The following TRPM3 variants were observed in gnomAD, a reference collection of about 807,000 sequenced individuals.
TRPM3 encodes the protein long transient receptor potential channel 3.
Under a neutral mutation model 181.2 loss-of-function variants are expected in TRPM3, and 77 were observed. The ratio of observed to expected loss-of-function variants is 0.42; its 90% CI spans 0.35 to 0.51. The LOEUF is 0.51. Ranked by LOEUF, TRPM3 falls within the 20% of genes least tolerant of loss-of-function variation. The probability of loss-of-function intolerance (pLI) is 0.01; values close to 1 mark genes in which losing one functional copy is unlikely to be tolerated. For synonymous variants in TRPM3, 745 were observed against 796.4 expected, an observed-to-expected ratio of 0.94 and a Z score of 1.09; for missense variants, 1,759 against 2,196.7, an observed-to-expected ratio of 0.80 and a Z score of 3.98.
intron 1 of TRPM3, among the ~76,000 whole-genome samples, chr9:71,020,653 A>G (rs2097840195): frequency 6.6e-6 from 1 of 152,198 alleles, no homozygotes; most frequent in African/African-American, 2.4e-5. Flanking sequence ...CATCAGGAAA[A>G]TGCAAATTAA....
At chr9:71,106,021 A>G (rs1210808927) in intron 1 of TRPM3, among the ~76,000 whole-genome samples, 4 of 152,180 alleles carry the variant, frequency 2.6e-5, no homozygotes, top group Non-Finnish European at 5.9e-5. Flanking sequence ...GTTATACTCA[A>G]TTCAAGAAGG....
intron 25 of TRPM3, among the ~76,000 whole-genome samples, chr9:70,547,909 C>A (rs765391291): frequency 2.0e-5 from 3 of 152,148 alleles, no homozygotes; most frequent in Non-Finnish European, 4.4e-5. Flanking sequence ...CTTTTTGTTT[C>A]TTTTCAGAAA....
At chr9:71,050,774 C>A (rs192401850) in intron 1 of TRPM3, among the ~76,000 whole-genome samples, 321 of 152,324 alleles carry the variant, frequency 2.1e-3, no homozygotes, top group African/African-American at 7.3e-3. Context: ...GTCATCTACA[C>A]TGAATGAACT....
intron 1 of TRPM3, among the ~76,000 whole-genome samples, chr9:71,209,407 G>GCAGA (rs141062817): frequency 1.5e-4 from 21 of 138,236 alleles, no homozygotes; most frequent in Non-Finnish European, 3.0e-4. Context: ...AAGGAGGGAG[G>GCAGA]GAGAGAGAGA....
At chr9:71,053,029 A>G (rs1191148934) in intron 1 of TRPM3, among the ~76,000 whole-genome samples, 5 of 148,464 alleles carry the variant, frequency 3.4e-5, no homozygotes, top group East Asian at 4.1e-4. Flanking sequence ...TTTGTCACCA[A>G]TAGTGCATAT....
chr9:71,208,305 C>T (rs1388899962), intron 1 of TRPM3, among the ~76,000 whole-genome samples: 1 of 152,140 alleles, frequency 6.6e-6, no homozygotes, highest in African/African-American at 2.4e-5. Flanking sequence ...AAGAGTACAA[C>T]TTGCTGCAGT....
intron 1 of TRPM3, among the ~76,000 whole-genome samples, chr9:71,017,454 G>A (rs571811333): frequency 3.3e-4 from 50 of 151,910 alleles, no homozygotes; most frequent in Admixed American, 1.0e-3. Context: ...ACTAAAAAAT[G>A]ACTATATGCT....
intron 1 of TRPM3, among the ~76,000 whole-genome samples, chr9:71,419,975 T>C (rs2093700906): frequency 6.6e-6 from 1 of 152,018 alleles, no homozygotes; most frequent in East Asian, 1.9e-4. Context: ...ATAACTATTC[T>C]TTTAAATCAA....
chr9:70,955,558 T>C (rs77026675), intron 1 of TRPM3, among the ~76,000 whole-genome samples: 2,619 of 152,224 alleles, frequency 0.017, 82 homozygotes, highest in African/African-American at 0.058. Flanking sequence ...ATTTTACAGG[T>C]AGGGAATTTG....
At chr9:70,631,527 G>A (rs1460974139) in intron 12 of TRPM3, among the ~76,000 whole-genome samples, 2 of 152,090 alleles carry the variant, frequency 1.3e-5, no homozygotes, top group Non-Finnish European at 2.9e-5. Context: ...GCACATTTAA[G>A]AAAGGAAAAA....
At chr9:71,328,076 A>G (rs1306397706) in intron 1 of TRPM3, among the ~76,000 whole-genome samples, 1 of 151,768 alleles carries the variant, frequency 6.6e-6, no homozygotes, top group African/African-American at 2.4e-5. Context: ...ATTAAAAAAA[A>G]AAAACAAAAA....
At chr9:70,953,732 C>T (rs1410955056) in intron 1 of TRPM3, among the ~76,000 whole-genome samples, 1 of 152,102 alleles carries the variant, frequency 6.6e-6, no homozygotes, top group Non-Finnish European at 1.5e-5. Context: ...CAGAACACTC[C>T]AGTGAGTTGG....
intron 1 of TRPM3, among the ~76,000 whole-genome samples, chr9:71,083,200 G>C (rs1325039931): frequency 6.6e-6 from 1 of 152,010 alleles, no homozygotes; most frequent in Non-Finnish European, 1.5e-5. Flanking sequence ...AATTTCATAA[G>C]ATGTAATTAT....
chr9:70,582,349 T>C (rs2056079473), intron 22 of TRPM3, among the ~76,000 whole-genome samples: 1 of 152,226 alleles, frequency 6.6e-6, no homozygotes, highest in Admixed American at 6.5e-5. Context: ...GTCCCTGAAA[T>C]CTTTTTGTTT....
In TRPM3 at chr9:70,740,875, C is replaced by T. The variant is rs367966484; in HGVS notation, c.1272+20726G>A. The stretch of plus-strand genomic sequence containing the variant: ...CCACAACAGTTCTAGGAGATAACAT[C>T]GGAAAAACCCTTCTAGACATTGGCT... On this transcript the variant is annotated intron_variant, in intron 8 of 25. Transcript: ENST00000677713. Among the ~76,000 whole-genome samples the T allele has an allele frequency of 1.3e-3, 205 of 152,232 alleles. 3 individuals are homozygous for T. In the South Asian group the frequency reaches 0.019, roughly 14 times the overall value.
chr9:70,900,316 G>A, intron 1 of TRPM3, among the ~76,000 whole-genome samples: 1 of 151,962 alleles, frequency 6.6e-6, no homozygotes, highest in East Asian at 1.9e-4. Flanking sequence ...ACTTCAGCAT[G>A]GGTGACAGAG....
chr9:71,426,552 T>C (rs1054159330), intron 1 of TRPM3, among the ~76,000 whole-genome samples: 3 of 152,136 alleles, frequency 2.0e-5, no homozygotes, highest in African/African-American at 7.2e-5. Flanking sequence ...AGGGCTGGCT[T>C]CGGGGACATG....
chr9:71,245,609 T>C (rs1189669628), intron 1 of TRPM3, among the ~76,000 whole-genome samples: 2 of 152,146 alleles, frequency 1.3e-5, no homozygotes, highest in South Asian at 2.1e-4. Flanking sequence ...AGTAAGGACG[T>C]ACAAGTGGGA....
Position 70,535,775 on chromosome 9 carries a change from A to G in TRPM3, c.*178T>C. On this transcript the variant is annotated 3_prime_UTR_variant, in exon 26 of 26. Transcript: ENST00000677713. Reference sequence around the variant, plus strand: ...CCTGTGTCTGGCACTGGGTCAGATCAAATGCTTTCTTGATCTGTGGCCCAG... The same window carrying G: ...CCTGTGTCTGGCACTGGGTCAGATCGAATGCTTTCTTGATCTGTGGCCCAG... 6.8e-7 allele frequency: 1 copy of G among 1,479,104 alleles called. No homozygotes were observed. The highest frequency in any genetic ancestry group is 8.9e-7 in the Non-Finnish European group (1 of 1,123,750). The allele number at this position is 1,479,104 out of a possible 1,614,324, so 91.6% of individuals were successfully genotyped here. A position where few individuals can be genotyped will look rare whatever the true frequency, so the allele number is the denominator to read the frequency against.
Sources: allele counts gnomAD v4.1 joint callset (sites outside exome capture counted in the v4.1 genomes callset), GRCh38; gene constraint gnomAD v4.1.1; transcripts MANE v1.5; gene names NCBI Gene and HGNC (gene_info 2026-07-23, HGNC 2026-07-21).